MECOM: variants seen among roughly 807,000 people sequenced by gnomAD.
MECOM encodes histone-lysine N-methyltransferase MECOM.
A neutral mutation model predicts 116.3 loss-of-function variants in MECOM; 13 were observed. The observed-to-expected ratio is 0.11, with a 90% CI of 0.07 to 0.18. The LOEUF is 0.18. Ranked by LOEUF, MECOM falls within the 10% of genes least tolerant of loss-of-function variation. MECOM has a pLI of 1.00. For synonymous variants in MECOM, 528 were observed against 535.2 expected, an observed-to-expected ratio of 0.99 and a Z score of 0.19; for missense variants, 1,299 against 1,509.0, an observed-to-expected ratio of 0.86 and a Z score of 2.31.
chr3:169,625,467 A>C (rs1175324077), intron 1 of MECOM, among the ~76,000 whole-genome samples: 2 of 152,204 alleles, frequency 1.3e-5, no homozygotes, highest in African/African-American at 4.8e-5. Flanking sequence ...AAAAGTCTTA[A>C]CATAGGGCCC....
At chr3:169,576,838 C>CACACACAGAGAGAGAGAG (rs368016499) in intron 1 of MECOM, among the ~76,000 whole-genome samples, 1 of 125,012 alleles carries the variant, frequency 8.0e-6, no homozygotes, top group Admixed American at 8.3e-5. Flanking sequence ...CACACACACA[C>CACACACAGAGAGAGAGAG]AGAGAGAGAG....
chr3:169,120,120 CTA>C (rs1339636248), intron 7 of MECOM, among the ~76,000 whole-genome samples: 1 of 152,170 alleles, frequency 6.6e-6, no homozygotes, highest in Non-Finnish European at 1.5e-5. Flanking sequence ...TCAACCAATT[CTA>C]TGTGTATCTG....
At chr3:169,122,859 A>G in intron 5 of MECOM, 132 bp from the exon 6 acceptor site, 1 of 1,004,034 alleles carries the variant, frequency 1.0e-6, no homozygotes, top group Non-Finnish European at 1.5e-6. Context: ...AGGGAAGAGC[A>G]GAAACAGGCT....
At chr3:169,286,525 C>T (rs1331054516) in intron 2 of MECOM, among the ~76,000 whole-genome samples, 1 of 152,168 alleles carries the variant, frequency 6.6e-6, no homozygotes, top group Non-Finnish European at 1.5e-5. Flanking sequence ...TTTCTGTCTT[C>T]CACGGTTGAC....
chr3:169,288,462 T>C (rs980604046), intron 2 of MECOM, among the ~76,000 whole-genome samples: 26 of 152,320 alleles, frequency 1.7e-4, no homozygotes, highest in African/African-American at 6.3e-4. Flanking sequence ...AATGGGCTTT[T>C]TGAATATAAC....
chr3:169,401,454 A>G (rs559925418), intron 1 of MECOM, among the ~76,000 whole-genome samples: 1 of 152,226 alleles, frequency 6.6e-6, no homozygotes, highest in Non-Finnish European at 1.5e-5. Flanking sequence ...CTGAATGTGG[A>G]CTTTGGAAAC....
chr3:169,520,908 C>A (rs1259187625), intron 1 of MECOM, among the ~76,000 whole-genome samples: 1 of 152,246 alleles, frequency 6.6e-6, no homozygotes, highest in Non-Finnish European at 1.5e-5. Context: ...CATTTAATCA[C>A]TCTGGGCCTC....
chr3:169,485,063 C>T (rs531615077), intron 1 of MECOM, among the ~76,000 whole-genome samples: 1 of 152,014 alleles, frequency 6.6e-6, no homozygotes, highest in Non-Finnish European at 1.5e-5. Flanking sequence ...GGTATGATAT[C>T]GGCTCACTGC....
At chr3:169,449,036 C>T (rs1411480309) in intron 1 of MECOM, among the ~76,000 whole-genome samples, 1 of 152,110 alleles carries the variant, frequency 6.6e-6, no homozygotes, top group Non-Finnish European at 1.5e-5. Context: ...ACAGAGAGAA[C>T]ATCATATAAA....
chr3:169,482,396 A>G (rs953620135), intron 1 of MECOM, among the ~76,000 whole-genome samples: 11 of 148,616 alleles, frequency 7.4e-5, no homozygotes, highest in African/African-American at 2.7e-4. Flanking sequence ...CAGCGGTGCA[A>G]TCCGGGCTCA....
chr3:169,266,860 G>A (rs1219149926), intron 2 of MECOM, among the ~76,000 whole-genome samples: 1 of 150,734 alleles, frequency 6.6e-6, no homozygotes, highest in African/African-American at 2.4e-5. Flanking sequence ...TTTTATTCAG[G>A]TCATTATAGG....
chr3:169,659,072 CAAAAAAAAAAAA>C (rs199570807), intron 1 of MECOM, among the ~76,000 whole-genome samples: 1 of 83,550 alleles, frequency 1.2e-5, no homozygotes, highest in African/African-American at 4.6e-5. Flanking sequence ...CCTTCAACTC[CAAAAAAAAAAAA>C]AAAAAAAGAA....
At chr3:169,642,866 T>G (rs1462425151) in intron 1 of MECOM, among the ~76,000 whole-genome samples, 1 of 151,854 alleles carries the variant, frequency 6.6e-6, no homozygotes, top group Non-Finnish European at 1.5e-5. Flanking sequence ...AAAGTCTTAA[T>G]AGTTTGTTCT....
chr3:169,562,161 AAG>A (rs1553886642), intron 1 of MECOM, among the ~76,000 whole-genome samples: 3 of 137,372 alleles, frequency 2.2e-5, no homozygotes, highest in African/African-American at 8.3e-5. Flanking sequence ...AAAAAAAAAA[AAG>A]GAAAGAAAGA....
rs540249372 is a variant in MECOM at position 169,102,211 on chromosome 3, T to C, written c.2620A>G (p.Asn874Asp). 5.0e-6 allele frequency: 8 copies of C among 1,613,034 alleles called. No individual in the cohort carries two copies. In the South Asian group the frequency reaches 7.7e-5, roughly 16 times the overall value. The change falls in exon 11 of 17, where the codon AAC (asparagine) becomes GAC (aspartate). Residue 874 changes from asparagine (N) to aspartate (D), a missense_variant. Asn to Asp is a conservative substitution (Grantham distance 23). Around this residue, in one of 6 missense-constraint regions of MECOM, gnomAD observed 340 missense variants for 312.6 expected, o/e 1.09. Transcript: ENST00000651503. Reference sequence around the variant, plus strand: ...AAGCTCTCTAGCTTTTCTGCCATGTTTTCAATAGCTGACATCTGAAAGGTA... The same window carrying C: ...AAGCTCTCTAGCTTTTCTGCCATGTCTTCAATAGCTGACATCTGAAAGGTA... ...DQRTWMSAIE[N>D]MAEKLESFSA...
rs190397476 is a variant in MECOM at position 169,584,458 on chromosome 3, A to G, written c.37+78878T>C. Among the ~76,000 whole-genome samples, 712 of 151,556 alleles carry G rather than the reference A, an allele frequency of 4.7e-3. 6 individuals are homozygous for G. The highest frequency in any genetic ancestry group is 6.3e-3 in the African/African-American group (261 of 41,390). On this transcript the variant is annotated intron_variant, in intron 1 of 16. Coordinates refer to ENST00000651503, the MANE Select transcript of MECOM (RefSeq NM_004991.4). ...CGAGCGCCTGTAGTCCCAGCTACTC[A>G]GGAGGCTGAGGCAGGAGAATGGCGT...
At chr3:169,573,836 A>G (rs189213517) in intron 1 of MECOM, among the ~76,000 whole-genome samples, 2 of 152,350 alleles carry the variant, frequency 1.3e-5, no homozygotes, top group East Asian at 1.9e-4. Context: ...AACACATCCT[A>G]TGAAGATATG....
At chr3:169,601,898 T>A (rs1166764765) in intron 1 of MECOM, among the ~76,000 whole-genome samples, 1 of 152,222 alleles carries the variant, frequency 6.6e-6, no homozygotes, top group Admixed American at 6.5e-5. Context: ...AACTTTTCCA[T>A]CTGTTTCTAA....
intron 3 of MECOM, among the ~76,000 whole-genome samples, chr3:169,139,460 T>C (rs1200788177): frequency 1.3e-5 from 2 of 152,070 alleles, no homozygotes; most frequent in Non-Finnish European, 2.9e-5. Context: ...TATCCCAAAG[T>C]ACTCGCCCAG....
Sources: allele counts gnomAD v4.1 joint callset (sites outside exome capture counted in the v4.1 genomes callset), GRCh38; gene constraint gnomAD v4.1.1; regional missense constraint gnomAD v4.1.1; transcripts MANE v1.5; gene names NCBI Gene and HGNC (gene_info 2026-07-23, HGNC 2026-07-21).